The following LUZP2 variants were observed in gnomAD, a reference collection of about 807,000 sequenced individuals.
The protein encoded by LUZP2 is leucine zipper protein 2.
In LUZP2, 52 loss-of-function variants were observed where a neutral mutation model predicts 51.6. The observed-to-expected ratio is 1.01, with a 90% CI of 0.81 to 1.27. LUZP2 has a LOEUF of 1.27. Ranked by LOEUF, LUZP2 falls within the 50% of genes most tolerant of loss-of-function variation. LUZP2 has a pLI of 0.00. For missense variants in LUZP2, 436 were observed against 395.4 expected, an observed-to-expected ratio of 1.10 and a Z score of -0.87; for synonymous variants, 154 against 137.3, an observed-to-expected ratio of 1.12 and a Z score of -0.85.
intron 5 of LUZP2, among the ~76,000 whole-genome samples, chr11:24,902,561 A>G (rs1853313668): frequency 6.6e-6 from 1 of 152,194 alleles, no homozygotes; most frequent in South Asian, 2.1e-4. Flanking sequence ...TGGAATGTTT[A>G]GCACTGCTTG....
At chr11:24,691,576 C>T (rs1347743619) in intron 1 of LUZP2, among the ~76,000 whole-genome samples, 1 of 150,326 alleles carries the variant, frequency 6.7e-6, no homozygotes, top group Admixed American at 6.7e-5. Flanking sequence ...GTGTCTCCTT[C>T]AGGTATATAA....
At chr11:24,813,178 G>A (rs997339917) in intron 5 of LUZP2, among the ~76,000 whole-genome samples, 1 of 152,120 alleles carries the variant, frequency 6.6e-6, no homozygotes, top group Non-Finnish European at 1.5e-5. Context: ...CTGAACAAGA[G>A]TCTTATAATT....
chr11:24,805,002 GCTAA>G (rs2134124121), intron 5 of LUZP2, among the ~76,000 whole-genome samples: 1 of 113,014 alleles, frequency 8.8e-6, no homozygotes, highest in African/African-American at 3.0e-5. Context: ...ACCACACCCG[GCTAA>G]CTTTTTTTTT....
At position 24,980,794 on chromosome 11, in the gene LUZP2, G is replaced by A. The variant is rs189176480; in HGVS notation, c.598-2332G>A. Among the ~76,000 whole-genome samples the A allele has an allele frequency of 1.5e-3, 233 of 151,704 alleles. 2 individuals are homozygous for A. The highest frequency in any genetic ancestry group is 5.5e-3 in the African/African-American group (228 of 41,430). On this transcript the variant is annotated intron_variant, in intron 8 of 11. Transcript: ENST00000336930. ...ACATTTTAAGTGGCAGTTTCTATAT[G>A]GGTATTTGGAAGAAGGGTTCTGCAA...
At chr11:25,039,934 C>T (rs888722831) in intron 9 of LUZP2, among the ~76,000 whole-genome samples, 1 of 152,040 alleles carries the variant, frequency 6.6e-6, no homozygotes, top group East Asian at 1.9e-4. Context: ...CAGACACTTT[C>T]TCTGATCACA....
intron 7 of LUZP2, among the ~76,000 whole-genome samples, chr11:24,924,081 T>C (rs1448146642): frequency 1.3e-5 from 2 of 151,590 alleles, no homozygotes; most frequent in African/African-American, 4.8e-5. Context: ...TCCCCGGCTT[T>C]TTTTTTTCTT....
chr11:24,802,937 G>C (rs909407634), intron 5 of LUZP2, among the ~76,000 whole-genome samples: 7 of 151,860 alleles, frequency 4.6e-5, no homozygotes, highest in Admixed American at 1.3e-4. Context: ...GAATCTCCTG[G>C]TTCCTTTATC....
intron 4 of LUZP2, among the ~76,000 whole-genome samples, chr11:24,758,177 C>T (rs77915366): frequency 0.011 from 1,669 of 152,004 alleles, 30 homozygotes; most frequent in African/African-American, 0.034. Context: ...AGTATATTAA[C>T]AAAATACACA....
intron 10 of LUZP2, among the ~76,000 whole-genome samples, chr11:25,068,914 C>CA (rs1379194325): frequency 1.3e-5 from 2 of 151,868 alleles, no homozygotes; most frequent in Non-Finnish European, 2.9e-5. Flanking sequence ...GACTCTATCT[C>CA]AAAAAACTTT....
intron 1 of LUZP2, among the ~76,000 whole-genome samples, chr11:24,690,272 G>A (rs914842093): frequency 6.6e-5 from 10 of 152,038 alleles, no homozygotes; most frequent in African/African-American, 2.4e-4. Context: ...CTTGCTACAA[G>A]TCTTCAAGGT....
chr11:24,729,257 GA>G lies in LUZP2; in HGVS notation c.153del (p.Glu51AspfsTer12). On this transcript the variant is annotated frameshift_variant, in exon 2 of 12. Coordinates refer to ENST00000336930, the MANE Select transcript of LUZP2 (RefSeq NM_001009909.4). LOFTEE classifies it high-confidence loss of function. ...TCGTCAGCTGACAAAGACATCAAGA[GA>G]ACTTGATGGAATTAAAGTCAATCTT... ...ILRQLTKTSR[E>X]LDGIKVNLQS... The G allele has an allele frequency of 6.4e-7, 1 of 1,555,982 alleles. No homozygotes were observed. Among genetic ancestry groups the G allele is most frequent in the Non-Finnish European group, 8.8e-7 (1 of 1,141,152 alleles).
chr11:24,559,403 C>T (rs1358795740), intron 1 of LUZP2, among the ~76,000 whole-genome samples: 1 of 152,154 alleles, frequency 6.6e-6, no homozygotes, highest in African/African-American at 2.4e-5. Flanking sequence ...CTACCCACTT[C>T]AGTGGCTAAA....
intron 9 of LUZP2, among the ~76,000 whole-genome samples, chr11:24,990,631 C>G (rs373786657): frequency 3.9e-5 from 6 of 152,006 alleles, no homozygotes; most frequent in African/African-American, 1.4e-4. Context: ...AAAACAGCAA[C>G]TGGTGAGAAC....
intron 6 of LUZP2, among the ~76,000 whole-genome samples, chr11:24,908,568 C>G (rs563454547): frequency 9.9e-5 from 15 of 152,010 alleles, no homozygotes; most frequent in African/African-American, 1.4e-4. Context: ...TGAAGGTTAT[C>G]CTTTTGATAA....
At chr11:24,547,151 A>T (rs1017799978) in intron 1 of LUZP2, among the ~76,000 whole-genome samples, 2 of 151,518 alleles carry the variant, frequency 1.3e-5, no homozygotes, top group African/African-American at 4.8e-5. Context: ...TGTTCATAAG[A>T]TTCTCTGATG....
chr11:24,889,410 G>A (rs950848417), intron 5 of LUZP2, among the ~76,000 whole-genome samples: 1 of 152,074 alleles, frequency 6.6e-6, no homozygotes, highest in Non-Finnish European at 1.5e-5. Flanking sequence ...TCCATATTCA[G>A]GTCTTCTTTT....
intron 9 of LUZP2, among the ~76,000 whole-genome samples, chr11:25,007,578 G>A (rs1856868667): frequency 6.6e-6 from 1 of 151,790 alleles, no homozygotes; most frequent in Non-Finnish European, 1.5e-5. Flanking sequence ...ACTCCAGCCT[G>A]GGTAACAAAG....
At chr11:25,006,076 G>A (rs1182016302) in intron 9 of LUZP2, among the ~76,000 whole-genome samples, 1 of 143,982 alleles carries the variant, frequency 6.9e-6, no homozygotes, top group Non-Finnish European at 1.5e-5. Flanking sequence ...TGTCTGAGAA[G>A]GGATCCTAAA....
intron 1 of LUZP2, among the ~76,000 whole-genome samples, chr11:24,711,428 C>A (rs1005163577): frequency 6.7e-5 from 10 of 150,206 alleles, no homozygotes; most frequent in Non-Finnish European, 1.0e-4. Context: ...CCAGCCTGGG[C>A]GACAGAGCGA....
Sources: gnomAD v4.1 joint callset for allele counts (sites outside exome capture counted in the v4.1 genomes callset) on GRCh38, gnomAD v4.1.1 for gene constraint, MANE v1.5 for transcripts, NCBI Gene and HGNC (gene_info 2026-07-23, HGNC 2026-07-21) for gene names.